Variants in ROBO2 observed in about 807,000 individuals in gnomAD.
ROBO2 encodes roundabout homolog 2.
A neutral mutation model predicts 160.8 loss-of-function variants in ROBO2; 53 were observed. The observed-to-expected ratio is 0.33, with a 90% CI of 0.26 to 0.41. The LOEUF (loss-of-function observed/expected upper bound fraction) is 0.41, where lower values mean the gene tolerates loss of function less well. Ranked by LOEUF, ROBO2 falls within the 10% of genes least tolerant of loss-of-function variation. The pLI is 1.00. For synonymous variants in ROBO2, 664 were observed against 611.7 expected (o/e 1.09, Z -1.26); for missense variants, 1,577 against 1,722.4 (o/e 0.92, Z 1.49).
At chr3:76,527,474 C>A (rs1026619739) in intron 2 of ROBO2, among the ~76,000 whole-genome samples, 1 of 152,176 alleles carries the variant, frequency 6.6e-6, no homozygotes, top group Admixed American at 6.5e-5. Flanking sequence ...TTTCATATTG[C>A]AAACTTTCTA....
chr3:77,525,266 T>C (rs538564287), intron 6 of ROBO2, among the ~76,000 whole-genome samples: 2 of 148,252 alleles, frequency 1.3e-5, no homozygotes, highest in South Asian at 4.3e-4. Context: ...CAAGATGAAA[T>C]GTTGCTAATG....
intron 2 of ROBO2, among the ~76,000 whole-genome samples, chr3:77,374,322 A>T (rs2072317910): frequency 6.6e-6 from 1 of 151,166 alleles, no homozygotes; most frequent in Non-Finnish European, 1.5e-5. Context: ...TCTGGGTTTG[A>T]GTCAAGAATG....
chr3:77,525,474 TG>T (rs1233732237), intron 6 of ROBO2, among the ~76,000 whole-genome samples: 2 of 150,552 alleles, frequency 1.3e-5, no homozygotes, highest in Non-Finnish European at 3.0e-5. Context: ...CTCCCTTTGC[TG>T]ACTTGGCAAA....
chr3:77,372,633 A>G (rs1408859566), intron 2 of ROBO2, among the ~76,000 whole-genome samples: 3 of 152,164 alleles, frequency 2.0e-5, no homozygotes, highest in African/African-American at 7.2e-5. Context: ...TTTGCATAAA[A>G]TGTAAATTAA....
At chr3:76,522,673 T>C (rs1256915186) in intron 2 of ROBO2, among the ~76,000 whole-genome samples, 1 of 152,124 alleles carries the variant, frequency 6.6e-6, no homozygotes, top group African/African-American at 2.4e-5. Context: ...TTCCACTGAA[T>C]GATTTATCTC....
chr3:76,684,212 A>C (rs899300178), intron 2 of ROBO2, among the ~76,000 whole-genome samples: 1 of 151,898 alleles, frequency 6.6e-6, no homozygotes, highest in African/African-American at 2.4e-5. Context: ...TGTCCAAACC[A>C]TTTTCTCCCT....
intron 1 of ROBO2, among the ~76,000 whole-genome samples, chr3:75,910,743 T>C (rs1218374424): frequency 6.6e-6 from 1 of 152,100 alleles, no homozygotes; most frequent in Non-Finnish European, 1.5e-5. Flanking sequence ...TAAGAATAGG[T>C]AGGAATTGTG....
chr3:76,661,678 C>T (rs531333842), intron 2 of ROBO2, among the ~76,000 whole-genome samples: 3 of 152,118 alleles, frequency 2.0e-5, no homozygotes, highest in East Asian at 3.9e-4. Context: ...GAAAGAAATG[C>T]TTAGGGTTAA....
At position 76,702,366 on chromosome 3, in the gene ROBO2, G is replaced by A. The variant is rs146176452; in HGVS notation, c.110-395648G>A. 6.4e-3 allele frequency among the ~76,000 whole-genome samples: 974 copies of A among 152,070 alleles called. 14 individuals carry two copies. The highest frequency in any genetic ancestry group is 0.022 in the African/African-American group (930 of 41,516). On this transcript the variant is annotated intron_variant, in intron 2 of 26. Coordinates refer to the ROBO2 transcript ENST00000487694. ...TGTTTAAGCATTGAAGAGTTAATAC[G>A]GGGAAATGAGTTTCATTTAATGCAC... is the stretch of plus-strand genomic sequence containing the variant.
chr3:77,135,262 A>T (rs891557568), intron 2 of ROBO2, among the ~76,000 whole-genome samples: 1 of 152,214 alleles, frequency 6.6e-6, no homozygotes, highest in African/African-American at 2.4e-5. Context: ...AGAGTGATGT[A>T]TAGAGGCCAA....
At position 76,377,395 on chromosome 3, in the gene ROBO2, G is replaced by A. The variant is rs146718079; in HGVS notation, c.109+439793G>A. ...TATTGACAAAAGAGATTGCACGATG[G>A]TTGTTTTTGAGAAGTTATTGCTTTC... On this transcript the variant is annotated intron_variant, in intron 2 of 26. Coordinates refer to the ROBO2 transcript ENST00000487694. Among the ~76,000 whole-genome samples the A allele has an allele frequency of 1.2e-3, 188 of 152,202 alleles. 1 individual carries two copies. The highest frequency in any genetic ancestry group is 4.4e-3 in the African/African-American group (181 of 41,538).
chr3:77,421,796 T>C (rs536416881), intron 2 of ROBO2, among the ~76,000 whole-genome samples: 2 of 152,242 alleles, frequency 1.3e-5, no homozygotes, highest in Admixed American at 6.5e-5. Context: ...CCATTGGTTA[T>C]CTTTTTTTCA....
At chr3:76,139,829 C>T (rs753887858) in intron 2 of ROBO2, among the ~76,000 whole-genome samples, 2 of 152,160 alleles carry the variant, frequency 1.3e-5, no homozygotes, top group South Asian at 2.1e-4. Flanking sequence ...GGTGAAGTTT[C>T]GTTTCCAATC....
chr3:76,679,326 C>T (rs1353671883), intron 2 of ROBO2, among the ~76,000 whole-genome samples: 1 of 152,020 alleles, frequency 6.6e-6, no homozygotes, highest in East Asian at 1.9e-4. Context: ...TTTATTTTAT[C>T]TTATAAGATC....
intron 17 of ROBO2, 76 bp from the exon 19 acceptor site, chr3:77,595,066 A>G: frequency 1.7e-6 from 2 of 1,178,122 alleles, no homozygotes; most frequent in Non-Finnish European, 2.5e-6. Context: ...CTAAGGGCCA[A>G]TATGTAGTTG....
intron 2 of ROBO2, among the ~76,000 whole-genome samples, chr3:76,469,055 C>T (rs2078510421): frequency 6.6e-6 from 1 of 152,126 alleles, no homozygotes; most frequent in Middle Eastern, 3.4e-3. Flanking sequence ...GCCCAGCAGT[C>T]ATTTTTTTTA....
At chr3:77,611,076 A>C (rs958684477) in intron 21 of ROBO2, among the ~76,000 whole-genome samples, 2 of 152,068 alleles carry the variant, frequency 1.3e-5, no homozygotes, top group African/African-American at 2.4e-5. Context: ...AGGTGGGCGG[A>C]TCACGAGGTC....
At chr3:77,217,620 T>C (rs1398182825) in intron 2 of ROBO2, among the ~76,000 whole-genome samples, 2 of 152,248 alleles carry the variant, frequency 1.3e-5, no homozygotes, top group Non-Finnish European at 2.9e-5. Flanking sequence ...GAATTATATT[T>C]GAAGAGCTCA....
rs188226425 is a variant in ROBO2, at chr3:76,216,481, G to C, written c.109+278879G>C. Reference sequence around the variant, plus strand: ...TGGAGGAAGATCTACCAAGCAAATGGAAAACAGAAAAAGACATGGGTTGCA... The same window carrying C: ...TGGAGGAAGATCTACCAAGCAAATGCAAAACAGAAAAAGACATGGGTTGCA... On this transcript the variant is annotated intron_variant, in intron 2 of 26. Coordinates refer to the ROBO2 transcript ENST00000487694. Among the ~76,000 whole-genome samples the C allele has an allele frequency of 2.3e-3, 349 of 152,116 alleles. 1 individual carries two copies. Among genetic ancestry groups the C allele is most frequent in the African/African-American group, 8.2e-3 (339 of 41,480 alleles).
Sources: gnomAD v4.1 joint callset for allele counts (sites outside exome capture counted in the v4.1 genomes callset) on GRCh38, gnomAD v4.1.1 for gene constraint, MANE v1.5 for transcripts, NCBI Gene and HGNC (gene_info 2026-07-23, HGNC 2026-07-21) for gene names.